Variants in CDC42SE2 observed in about 807,000 individuals in gnomAD.
CDC42SE2 encodes the protein CDC42 small effector protein 2.
CDC42SE2 carries 3 observed loss-of-function variants against 11.5 expected under a neutral mutation model. The ratio of observed to expected loss-of-function variants is 0.26; its 90% confidence interval spans 0.12 to 0.67. The LOEUF is 0.67. CDC42SE2 is among the 30% of genes least tolerant of loss of function. The pLI is 0.80. For missense variants in CDC42SE2, 82 were observed against 106.8 expected (o/e 0.77, Z 1.02); for synonymous variants, 33 against 34.8 (o/e 0.95, Z 0.18).
intron 1 of CDC42SE2, among the ~76,000 whole-genome samples, chr5:131,266,103 G>A (rs1213154663): frequency 6.6e-6 from 1 of 152,106 alleles, no homozygotes; most frequent in Non-Finnish European, 1.5e-5. Flanking sequence ...TTCCATATGT[G>A]GACTTATCTT....
chr5:131,365,720 C>G (rs1561430647), intron 3 of CDC42SE2, among the ~76,000 whole-genome samples: 1 of 152,176 alleles, frequency 6.6e-6, no homozygotes, highest in Non-Finnish European at 1.5e-5. Context: ...TGGTGGCTCA[C>G]ACCTGTATCC....
At chr5:131,303,089 A>G (rs1198512511) in intron 1 of CDC42SE2, among the ~76,000 whole-genome samples, 2 of 152,214 alleles carry the variant, frequency 1.3e-5, no homozygotes, top group Admixed American at 6.5e-5. Flanking sequence ...GTTTAAGTGA[A>G]TGATTATATG....
chr5:131,232,748 A>C, the CDC42SE2 span, among the ~76,000 whole-genome samples: 6 of 149,944 alleles, frequency 4.0e-5, no homozygotes, highest in African/African-American at 7.5e-5. Flanking sequence ...AAAAAAAAAA[A>C]AAAAAAACAA....
At chr5:131,337,754 A>G (rs536153258) in intron 2 of CDC42SE2, among the ~76,000 whole-genome samples, 83 of 152,340 alleles carry the variant, frequency 5.4e-4, no homozygotes, top group Non-Finnish European at 8.7e-4. Context: ...CCGTGAGGGT[A>G]GGACCCTCTG....
intron 2 of CDC42SE2, among the ~76,000 whole-genome samples, chr5:131,334,329 T>G (rs1387398652): frequency 1.3e-5 from 2 of 152,136 alleles, no homozygotes; most frequent in Admixed American, 6.5e-5. Flanking sequence ...TGATCATGGT[T>G]GATAAGCTTT....
intron 3 of CDC42SE2, among the ~76,000 whole-genome samples, chr5:131,371,416 T>C (rs993606033): frequency 6.6e-6 from 1 of 152,250 alleles, no homozygotes; most frequent in East Asian, 1.9e-4. Flanking sequence ...ATATTTCTGG[T>C]ATTTATGTTC....
At chr5:131,223,016 C>G in the CDC42SE2 span, among the ~76,000 whole-genome samples, 1 of 152,172 alleles carries the variant, frequency 6.6e-6, no homozygotes, top group African/African-American at 2.4e-5. Context: ...CATTGGCACC[C>G]CATCCATTTT....
intron 3 of CDC42SE2, among the ~76,000 whole-genome samples, chr5:131,381,464 AG>A (rs1285601396): frequency 6.6e-6 from 1 of 151,980 alleles, no homozygotes; most frequent in Non-Finnish European, 1.5e-5. Flanking sequence ...GCTGGGATTA[AG>A]GCACCTGCTA....
chr5:131,257,504 G>T (rs1580716368), intron 2 of CDC42SE2, among the ~76,000 whole-genome samples: 1 of 148,704 alleles, frequency 6.7e-6, no homozygotes, highest in African/African-American at 2.5e-5. Flanking sequence ...TTGAGACAGA[G>T]TCTTGCTCTG....
chr5:131,240,556 A>C (rs1384939417), upstream of CDC42SE2, among the ~76,000 whole-genome samples: 4 of 152,228 alleles, frequency 2.6e-5, no homozygotes, highest in Admixed American at 2.6e-4. Flanking sequence ...AAGTTTCTCC[A>C]AGAGTAAACA....
intron 4 of CDC42SE2, among the ~76,000 whole-genome samples, chr5:131,387,233 TGCCACCTCA>T (rs1750513507): frequency 6.6e-6 from 1 of 152,158 alleles, no homozygotes; most frequent in Admixed American, 6.5e-5. Flanking sequence ...ATGTTGTCTC[TGCCACCTCA>T]GATTTTTAAA....
intron 1 of CDC42SE2, among the ~76,000 whole-genome samples, chr5:131,310,209 G>C (rs1430132117): frequency 9.9e-5 from 15 of 152,036 alleles, no homozygotes; most frequent in South Asian, 8.3e-4. Flanking sequence ...TATGTACCCA[G>C]TAGTCATTCA....
intron 2 of CDC42SE2, among the ~76,000 whole-genome samples, chr5:131,353,646 C>T (rs550937505): frequency 2.4e-4 from 37 of 152,276 alleles, no homozygotes; most frequent in African/African-American, 8.4e-4. Flanking sequence ...TGGCTCATGC[C>T]CGTAATCCCA....
At chr5:131,301,877 T>G (rs1757690166) in intron 1 of CDC42SE2, among the ~76,000 whole-genome samples, 1 of 152,184 alleles carries the variant, frequency 6.6e-6, no homozygotes, top group African/African-American at 2.4e-5. Flanking sequence ...CTGATACCCC[T>G]ATTTTTTGAG....
chr5:131,364,539 G>A (rs1245931598), intron 3 of CDC42SE2, among the ~76,000 whole-genome samples: 2 of 152,176 alleles, frequency 1.3e-5, no homozygotes, highest in Non-Finnish European at 2.9e-5. Flanking sequence ...TCATTGAATG[G>A]TTTAGAGCAA....
the CDC42SE2 span, among the ~76,000 whole-genome samples, chr5:131,226,853 G>A: frequency 6.6e-6 from 1 of 152,086 alleles, no homozygotes; most frequent in Non-Finnish European, 1.5e-5. Context: ...TAGTAGAAAG[G>A]CCAAATGAAA....
intron 1 of CDC42SE2, among the ~76,000 whole-genome samples, chr5:131,248,205 TC>T (rs1249912778): frequency 6.6e-6 from 1 of 152,100 alleles, no homozygotes; most frequent in Admixed American, 6.6e-5. Context: ...AGTGGCGCGA[TC>T]CCAGCTCACT....
chr5:131,211,686 A>G, the CDC42SE2 span, among the ~76,000 whole-genome samples: 2 of 152,224 alleles, frequency 1.3e-5, no homozygotes, highest in Non-Finnish European at 2.9e-5. Context: ...CACACAAATC[A>G]TTTAAAATTA....
chr5:131,357,756 A>C (rs1416124019), intron 2 of CDC42SE2, among the ~76,000 whole-genome samples: 1 of 151,998 alleles, frequency 6.6e-6, no homozygotes, highest in Non-Finnish European at 1.5e-5. Flanking sequence ...CTTTATATCC[A>C]TTTTTCTTGC....
Sources: gnomAD v4.1 joint callset for allele counts (sites outside exome capture counted in the v4.1 genomes callset) on GRCh38, gnomAD v4.1.1 for gene constraint, MANE v1.5 for transcripts, NCBI Gene and HGNC (gene_info 2026-07-23, HGNC 2026-07-21) for gene names.